ADAMTS3: variants seen among roughly 807,000 people sequenced by gnomAD.
ADAMTS3 encodes A disintegrin and metalloproteinase with thrombospondin motifs 3.
ADAMTS3 carries 73 observed loss-of-function variants against 129.0 expected under a neutral mutation model. That is an observed-to-expected ratio of 0.57 (90% CI 0.47 to 0.69). ADAMTS3 has a LOEUF of 0.69. Among genes scored for constraint, ADAMTS3 ranks in the 30% least tolerant of loss-of-function variants. The pLI is 0.00. For missense variants in ADAMTS3, 1,457 were observed against 1,514.5 expected (o/e 0.96, Z 0.63); for synonymous variants, 477 against 510.8 (o/e 0.93, Z 0.89).
rs1718674226 is a variant in ADAMTS3 at position 72,458,190 on chromosome 4, T to C, written c.505-43219A>G. Among the ~76,000 whole-genome samples the C allele has an allele frequency of 2.0e-5, 3 of 151,572 alleles. No homozygotes were observed. In the Admixed American group the frequency reaches 2.0e-4, roughly 10 times the overall value. ...AGGAAGACAGAACTCTAGGACCATA[T>C]TTTAGATTATTACAGTATAGTACAT... On this transcript the variant is annotated intron_variant, in intron 3 of 21. Transcript: ENST00000286657.
chr4:72,452,812 C>T (rs993145545), intron 3 of ADAMTS3, among the ~76,000 whole-genome samples: 8 of 151,762 alleles, frequency 5.3e-5, no homozygotes, highest in Admixed American at 5.3e-4. Context: ...CCTAAAACCA[C>T]TATCTTGGTT....
chr4:72,345,396 A>G (rs1720253649), intron 4 of ADAMTS3, among the ~76,000 whole-genome samples: 1 of 152,186 alleles, frequency 6.6e-6, no homozygotes, highest in Non-Finnish European at 1.5e-5. Context: ...TGTATCATCC[A>G]ATAGTGATTT....
chr4:72,540,947 GC>G (rs1320814766), intron 3 of ADAMTS3, among the ~76,000 whole-genome samples: 1 of 152,204 alleles, frequency 6.6e-6, no homozygotes, highest in Non-Finnish European at 1.5e-5. Flanking sequence ...TCAGGTGGGA[GC>G]CCCCACACAG....
chr4:72,287,791 G>A (rs1316374240), intron 21 of ADAMTS3, among the ~76,000 whole-genome samples: 3 of 152,068 alleles, frequency 2.0e-5, no homozygotes, highest in Non-Finnish European at 4.4e-5. Context: ...ACAGAGATGT[G>A]GATAGAGAGC....
intron 3 of ADAMTS3, among the ~76,000 whole-genome samples, chr4:72,445,929 T>C (rs1033513866): frequency 4.0e-5 from 6 of 151,676 alleles, no homozygotes; most frequent in Admixed American, 3.9e-4. Flanking sequence ...TGAACTGAAA[T>C]AAACTACAAG....
intron 3 of ADAMTS3, among the ~76,000 whole-genome samples, chr4:72,468,391 C>T (rs1380236092): frequency 2.0e-5 from 3 of 152,000 alleles, no homozygotes; most frequent in Non-Finnish European, 4.4e-5. Context: ...TACAAATACT[C>T]TAATGGCAAA....
At chr4:72,380,875 G>A (rs1263690502) in intron 4 of ADAMTS3, among the ~76,000 whole-genome samples, 7 of 152,084 alleles carry the variant, frequency 4.6e-5, no homozygotes, top group Non-Finnish European at 7.4e-5. Context: ...CTGGTTCAGA[G>A]CATATCAAGA....
chr4:72,443,683 C>T (rs942114255), intron 3 of ADAMTS3, among the ~76,000 whole-genome samples: 11 of 141,832 alleles, frequency 7.8e-5, no homozygotes, highest in African/African-American at 2.8e-4. Context: ...ATCCCAAAAA[C>T]GTTCGAATGG....
intron 5 of ADAMTS3, among the ~76,000 whole-genome samples, chr4:72,329,974 G>A (rs1330971197): frequency 1.3e-5 from 2 of 151,978 alleles, no homozygotes; most frequent in Non-Finnish European, 2.9e-5. Context: ...CACTGCTGTT[G>A]CTTCAACCAG....
intron 3 of ADAMTS3, among the ~76,000 whole-genome samples, chr4:72,437,368 A>T (rs7700235): frequency 0.67 from 101,053 of 151,656 alleles, 33,863 homozygotes; most frequent in South Asian, 0.8. Flanking sequence ...TTTATCAACC[A>T]ACATCCTAAA....
At chr4:72,507,087 T>C (rs1163388899) in intron 3 of ADAMTS3, among the ~76,000 whole-genome samples, 1 of 152,232 alleles carries the variant, frequency 6.6e-6, no homozygotes, top group Non-Finnish European at 1.5e-5. Context: ...ATGCAGTATA[T>C]AAAATATGTA....
intron 3 of ADAMTS3, among the ~76,000 whole-genome samples, chr4:72,459,385 TAGAA>T (rs1310934001): frequency 2.6e-5 from 4 of 151,546 alleles, no homozygotes; most frequent in African/African-American, 7.3e-5. Context: ...AATACACAAT[TAGAA>T]AGAGAGAGTC....
chr4:72,290,874 T>C lies in ADAMTS3; in HGVS notation c.2912A>G (p.Lys971Arg). 6.2e-7 allele frequency: 1 copy of C among 1,613,952 alleles called. No homozygotes were observed. Among genetic ancestry groups the C allele is most frequent in the South Asian group, 1.1e-5 (1 of 91,074 alleles). Residue 971 changes from lysine (K) to arginine (R), a missense_variant, in exon 20 of 22, where the codon AAA becomes AGA. Coordinates refer to ENST00000286657, the MANE Select transcript of ADAMTS3 (RefSeq NM_014243.3). ...CNRVPCPAQW[K>R]TGPWSECSVT... ...ACCTACCTCACTCCAGGGTCCTGTT[T>C]TCCACTGTGCAGGGCAGGGCACTCT...
intron 3 of ADAMTS3, among the ~76,000 whole-genome samples, chr4:72,471,667 A>G: frequency 6.6e-6 from 1 of 152,110 alleles, no homozygotes; most frequent in East Asian, 1.9e-4. Context: ...AAGGTTGGTG[A>G]AAATTAAAAA....
At chr4:72,490,797 G>C (rs2110014502) in intron 3 of ADAMTS3, among the ~76,000 whole-genome samples, 1 of 151,904 alleles carries the variant, frequency 6.6e-6, no homozygotes, top group South Asian at 2.1e-4. Context: ...TTCCTGCTAA[G>C]TTTCTTTGGC....
chr4:72,323,352 G>A (rs569366112), intron 5 of ADAMTS3, among the ~76,000 whole-genome samples: 19 of 152,146 alleles, frequency 1.2e-4, no homozygotes, highest in Non-Finnish European at 2.4e-4. Context: ...TGTTATACTA[G>A]TGCAGTGTTA....
intron 3 of ADAMTS3, among the ~76,000 whole-genome samples, chr4:72,526,859 T>TA (rs1720831073): frequency 1.0e-5 from 1 of 97,142 alleles, no homozygotes; most frequent in Non-Finnish European, 2.2e-5. Context: ...TCTCAAATAT[T>TA]AGGTGAACAA....
intron 19 of ADAMTS3, among the ~76,000 whole-genome samples, chr4:72,295,384 A>G (rs944672654): frequency 2.6e-5 from 4 of 152,074 alleles, no homozygotes; most frequent in African/African-American, 4.8e-5. Context: ...AAGTCAAGGA[A>G]TAGAAGCAAA....
chr4:72,456,982 A>G (rs1718640428), intron 3 of ADAMTS3, among the ~76,000 whole-genome samples: 1 of 151,848 alleles, frequency 6.6e-6, no homozygotes, highest in African/African-American at 2.4e-5. Flanking sequence ...TGTAGAAATC[A>G]TCATGGAAGG....
Sources: gnomAD v4.1 joint callset for allele counts (sites outside exome capture counted in the v4.1 genomes callset) on GRCh38, gnomAD v4.1.1 for gene constraint, MANE v1.5 for transcripts, NCBI Gene and HGNC (gene_info 2026-07-23, HGNC 2026-07-21) for gene names.